The following TMED4 variants were observed in gnomAD, a reference collection of about 807,000 sequenced individuals.
TMED4 encodes the protein transmembrane emp24 domain-containing protein 4.
Under a neutral mutation model 26.5 loss-of-function variants are expected in TMED4, and 19 were observed. That is an observed-to-expected ratio of 0.72 (90% CI 0.50 to 1.05). The LOEUF (loss-of-function observed/expected upper bound fraction) is 1.05. Among genes scored for constraint, TMED4 ranks in the 50% least tolerant of loss-of-function variants. TMED4 has a pLI of 0.00. For synonymous variants in TMED4, 121 were observed against 119.8 expected (o/e 1.01, Z -0.07); for missense variants, 303 against 302.5 (o/e 1.00, Z -0.01).
At position 44,579,273 on chromosome 7, in the gene TMED4, A is replaced by C. The variant is rs1273797625; in HGVS notation, c.*206T>G. Reference sequence around the variant, plus strand: ...TAGTTCTGATTCCTCACAAGCCCTAAGACAAGATTTTGAAAGATTGGACTA... The same window carrying C: ...TAGTTCTGATTCCTCACAAGCCCTACGACAAGATTTTGAAAGATTGGACTA... On this transcript the variant is annotated 3_prime_UTR_variant, in exon 5 of 5. Transcript: ENST00000457408. The C allele has an allele frequency of 2.1e-6, 1 of 485,862 alleles. No homozygotes were observed. The highest frequency in any genetic ancestry group is 3.6e-6 in the Non-Finnish European group (1 of 275,244). The allele number at this position is 485,862 out of a possible 1,614,324, so 30.1% of individuals were successfully genotyped here. A position where few individuals can be genotyped will look rare whatever the true frequency, so the allele number is the denominator to read the frequency against.
chr7:44,580,882 AG>A lies in TMED4; in HGVS notation c.534+210del, dbSNP rs927954691. 4 of 516,482 alleles carry A rather than the reference AG, an allele frequency of 7.7e-6. No individual in the cohort carries two copies. The African/African-American group carries it at 7.8e-5, about 10-fold the overall frequency. 32.0% of individuals were successfully genotyped at this position (516,482 alleles called of 1,614,324 possible). On this transcript the variant is annotated intron_variant, in intron 4 of 4. Coordinates refer to ENST00000457408, the MANE Select transcript of TMED4 (RefSeq NM_182547.4). ...GAATCGCTTGAACCTGGGGAGGCGG[AG>A]GTTGCAGTGAGCCAAGATCATGGCA...
In TMED4 at chr7:44,581,557, C is replaced by A; in HGVS notation, c.279G>T (p.Gln93His). Residue 93 changes from glutamine to histidine, a missense_variant, in exon 3 of 5, where the codon CAG becomes CAT. Transcript: ENST00000457408. ...DPDGKVVLSR[Q>H]YGSEGRFTFT... ...ACGTGAAGCGGCCCTCCGAGCCGTA[C>A]TGCCGGGACAGCACCACCTGCAACA... The A allele has an allele frequency of 6.2e-7, 1 of 1,614,222 alleles. No individual in the cohort carries two copies. The highest frequency in any genetic ancestry group is 8.5e-7 in the Non-Finnish European group (1 of 1,180,036).
In TMED4 at chr7:44,581,230, G is replaced by A. The variant is rs1381212064; in HGVS notation, c.397C>T (p.Leu133Phe). 3.1e-6 allele frequency: 5 copies of A among 1,614,030 alleles called. No individual in the cohort carries two copies. The highest frequency in any genetic ancestry group is 1.3e-5 in the African/African-American group (1 of 74,918). ...LFAGGKLRVH[L>F]DIQVGEHANN... is the part of the protein sequence containing the mutation. Reference sequence around the variant, plus strand: ...GCATGCTCCCCAACCTGGATGTCGAGATGCACCCGCTACAAGGAAACATGG... The same window carrying A: ...GCATGCTCCCCAACCTGGATGTCGAAATGCACCCGCTACAAGGAAACATGG... Residue 133 changes from leucine (L) to phenylalanine (F), a missense_variant, in exon 4 of 5, where the codon CTC (leucine) becomes TTC (phenylalanine). Transcript: ENST00000457408.
Position 44,580,090 on chromosome 7 carries a change from TCCAC to T in TMED4, c.535-466_535-463del, listed in dbSNP as rs541469490. Reference sequence around the variant, plus strand: ...CACAAAAGGACAAATACTGAATGATTCCACTTATATGAGATAGGGTAGTCAGGAT... The same window carrying T: ...CACAAAAGGACAAATACTGAATGATTTTATATGAGATAGGGTAGTCAGGAT... On this transcript the variant is annotated intron_variant, in intron 4 of 4. Coordinates refer to ENST00000457408, the MANE Select transcript of TMED4 (RefSeq NM_182547.4). 214 of 154,374 alleles carry T rather than the reference TCCAC, an allele frequency of 1.4e-3. 2 individuals are homozygous for T. The highest frequency in any genetic ancestry group is 4.9e-3 in the African/African-American group (203 of 41,620). The allele number at this position is 154,374 out of a possible 1,614,324, so 9.6% of individuals were successfully genotyped here. A position where few individuals can be genotyped will look rare whatever the true frequency, so the allele number is the denominator to read the frequency against.
chr7:44,582,005 G>A (rs780224005), intron 1 of TMED4, 42 bp downstream of exon 1: 22 of 1,532,556 alleles, frequency 1.4e-5, no homozygotes, highest in Middle Eastern at 3.4e-4. Flanking sequence ...GCCGAGGGCT[G>A]AGCTGGGTAC....
chr7:44,581,307 C>T lies in TMED4; in HGVS notation c.388-68G>A, dbSNP rs547034487. ...TGTCTGTTCCAGGGTATGGAACCCA[C>T]TATTGTCCCTGGCTGTGGAGCAGAA... is the stretch of plus-strand genomic sequence containing the variant. On this transcript the variant is annotated intron_variant, in intron 3 of 4. Coordinates refer to ENST00000457408, the MANE Select transcript of TMED4 (RefSeq NM_182547.4). 17 of 1,601,652 alleles carry T rather than the reference C, an allele frequency of 1.1e-5. No homozygotes were observed. In the East Asian group the frequency reaches 3.8e-4, roughly 36 times the overall value.
In TMED4 at chr7:44,578,861, C is replaced by CAAAAAAAAAAAAAAAA. The variant is rs138565143; in HGVS notation, c.*602_*617dup. Reference sequence around the variant, plus strand: ...CAGCCTGGGCGACAAGAGCAAAACTCAAAAAAAAAAAAAAAAAAAAAAAAG... The same window carrying CAAAAAAAAAAAAAAAA: ...CAGCCTGGGCGACAAGAGCAAAACTCAAAAAAAAAAAAAAAAAAAAAAAAAAAAAAAAAAAAAAAAG... On this transcript the variant is annotated 3_prime_UTR_variant, in exon 5 of 5. Transcript: ENST00000457408. 1.3e-5 allele frequency: 1 copy of CAAAAAAAAAAAAAAAA among 77,506 alleles called. No homozygotes were observed. The highest frequency in any genetic ancestry group is 5.2e-5 in the African/African-American group (1 of 19,178). The allele number at this position is 77,506 out of a possible 1,614,324, so 4.8% of individuals were successfully genotyped here.
intron 4 of TMED4, 98 bp from the exon 5 acceptor site, chr7:44,579,726 C>T: frequency 7.5e-7 from 1 of 1,327,584 alleles, no homozygotes; most frequent in Non-Finnish European, 1.0e-6. Context: ...GGACCAAACT[C>T]CTTTTGGAAT....
At position 44,581,515 on chromosome 7, in the gene TMED4, G is replaced by C. The variant is rs537643590; in HGVS notation, c.321C>G (p.Pro107=). The stretch of plus-strand genomic sequence containing the variant: ...AGTGCAGACAGATTTGATGGTCACC[G>C]GGCGTGTGGGAGGTGAACGTGAAGC... ...EGRFTFTSHT[P]GDHQICLHSN... is the part of the protein sequence containing the mutation. The change falls in exon 3 of 5, where the codon CCC becomes CCG. Residue 107 remains proline, a synonymous_variant. Transcript: ENST00000457408. 13 of 1,614,090 alleles carry C rather than the reference G, an allele frequency of 8.1e-6. No individual in the cohort carries two copies. Among genetic ancestry groups the C allele is most frequent in the Non-Finnish European group, 1.1e-5 (13 of 1,180,048 alleles).
At chr7:44,580,045 A>C (rs1136430) in intron 4 of TMED4, 13,872 of 156,744 alleles carry the variant, frequency 0.089, 1,247 homozygotes, top group East Asian at 0.43. Flanking sequence ...AGAACATTAT[A>C]CTCAGTGAAA....
chr7:44,581,922 C>T, intron 1 of TMED4, 99 bp from the exon 2 acceptor site: 2 of 1,562,292 alleles, frequency 1.3e-6, no homozygotes, highest in Non-Finnish European at 1.7e-6. Flanking sequence ...GGGGGCCTGG[C>T]GTCCTCGGGG....
chr7:44,577,978 C>CT lies in TMED4; in HGVS notation c.*1500dup, dbSNP rs1802865068. On this transcript the variant is annotated 3_prime_UTR_variant, in exon 5 of 5. Coordinates refer to ENST00000457408, the MANE Select transcript of TMED4 (RefSeq NM_182547.4). The stretch of plus-strand genomic sequence containing the variant: ...GAAATAAAATGTCAAGAATGGGGAA[C>CT]TAATGGTATTAAGTTTTATATAGAA... 1 of 151,958 alleles carries CT rather than the reference C, an allele frequency of 6.6e-6. No homozygotes were observed. Among genetic ancestry groups the CT allele is most frequent in the Admixed American group, 6.6e-5 (1 of 15,256 alleles). 9.4% of individuals were successfully genotyped at this position (151,958 alleles called of 1,614,324 possible). A position where few individuals can be genotyped will look rare whatever the true frequency, so the allele number is the denominator to read the frequency against.
rs200643099 is a variant in TMED4, at chr7:44,581,795, C to G, written c.189G>C (p.Lys63Asn). ...TCGAGGGCAGGAAGACCTCCTTCTG[C>G]TTATCCCACATCTGGGTACGATAGT... The part of the protein sequence containing the change: ...IGNYRTQMWD[K>N]QKEVFLPSTP... Residue 63 changes from lysine (K) to asparagine (N), a missense_variant, in exon 2 of 5, where the codon AAG (lysine) becomes AAC (asparagine). Physicochemically the swap from Lys to Asn is moderately conservative, Grantham distance 94 (BLOSUM62 0). Coordinates refer to ENST00000457408, the MANE Select transcript of TMED4 (RefSeq NM_182547.4). 55 of 1,614,222 alleles carry G rather than the reference C, an allele frequency of 3.4e-5. No individual in the cohort carries two copies. The East Asian group carries it at 1.2e-3, about 35-fold the overall frequency.
intron 4 of TMED4, 138 bp downstream of exon 4, chr7:44,580,955 A>G: frequency 1.0e-6 from 1 of 990,832 alleles, no homozygotes; most frequent in Non-Finnish European, 1.5e-6. Flanking sequence ...TCTCAAAAAC[A>G]ACAAACAAAC....
rs1257330959 is a variant in TMED4, at chr7:44,581,559, G to T, written c.277C>A (p.Gln93Lys). The change falls in exon 3 of 5, where the codon CAG becomes AAG. Residue 93 changes from glutamine (Q) to lysine (K), a missense_variant. Gln to Lys is a moderately conservative substitution (Grantham distance 53). Transcript: ENST00000457408. ...GTGAAGCGGCCCTCCGAGCCGTACT[G>T]CCGGGACAGCACCACCTGCAACATA... Reference protein sequence around the residue: ...DPDGKVVLSRQYGSEGRFTFT... With the variant: ...DPDGKVVLSRKYGSEGRFTFT... 1 of 1,614,190 alleles carries T rather than the reference G, an allele frequency of 6.2e-7. No individual in the cohort carries two copies. Among genetic ancestry groups the T allele is most frequent in the Non-Finnish European group, 8.5e-7 (1 of 1,180,044 alleles).
Position 44,578,088 on chromosome 7 carries a change from T to C in TMED4, c.*1391A>G, listed in dbSNP as rs1232677778. On this transcript the variant is annotated 3_prime_UTR_variant, in exon 5 of 5. Transcript: ENST00000457408. Reference sequence around the variant, plus strand: ...TACTTAATTTCCTCAGATGATACTTTGCGAACATGTGGTCTATTTGGTTGA... The same window carrying C: ...TACTTAATTTCCTCAGATGATACTTCGCGAACATGTGGTCTATTTGGTTGA... 1.3e-5 allele frequency: 2 copies of C among 152,326 alleles called. No homozygotes were observed. The highest frequency in any genetic ancestry group is 3.4e-3 in the Middle Eastern group (1 of 292). 9.4% of individuals were successfully genotyped at this position (152,326 alleles called of 1,614,324 possible). A position where few individuals can be genotyped will look rare whatever the true frequency, so the allele number is the denominator to read the frequency against.
In TMED4 at chr7:44,581,160, A is replaced by T; in HGVS notation, c.467T>A (p.Leu156Gln). The change falls in exon 4 of 5, where the codon CTA becomes CAA. Residue 156 changes from leucine to glutamine, a missense_variant. Transcript: ENST00000457408. ...AAGCAACTGGCGGGCGCGGAGCTGT[A>T]GCTCCGTCAGCTTATCTTTTGCAGC... ...EIAAKDKLTELQLRARQLLDQ... is the reference protein window; with the variant it reads ...EIAAKDKLTEQQLRARQLLDQ... 3 of 1,614,108 alleles carry T rather than the reference A, an allele frequency of 1.9e-6. No homozygotes were observed. Among genetic ancestry groups the T allele is most frequent in the Non-Finnish European group, 2.5e-6 (3 of 1,180,020 alleles).
rs1802970888 is a variant in TMED4, at chr7:44,581,098, G to A, written c.529C>T (p.Gln177Ter). Residue 177 changes from glutamine to a stop codon, truncating the protein, a stop_gained, in exon 4 of 5, where the codon CAA becomes TAA. Transcript: ENST00000457408. LOFTEE classifies it high-confidence loss of function. ...ACAAGGAGATATGCACTTGCCCTTT[G>A]GTAATCCTGCTCCTTCTGAATCTGT... ...VEQIQKEQDY[Q>*]RYREERFRLT... The A allele has an allele frequency of 5.6e-6, 9 of 1,614,154 alleles. No individual in the cohort carries two copies. The highest frequency in any genetic ancestry group is 6.8e-6 in the Non-Finnish European group (8 of 1,180,032).
At position 44,578,861 on chromosome 7, in the gene TMED4, C is replaced by CAAAAAAAAAAA. The variant is rs138565143; in HGVS notation, c.*607_*617dup. 2.6e-5 allele frequency: 2 copies of CAAAAAAAAAAA among 77,526 alleles called. No individual in the cohort carries two copies. The highest frequency in any genetic ancestry group is 3.2e-4 in the East Asian group (1 of 3,118). 4.8% of individuals were successfully genotyped at this position (77,526 alleles called of 1,614,324 possible). ...CAGCCTGGGCGACAAGAGCAAAACT[C>CAAAAAAAAAAA]AAAAAAAAAAAAAAAAAAAAAAAAG... On this transcript the variant is annotated 3_prime_UTR_variant, in exon 5 of 5. Coordinates refer to ENST00000457408, the MANE Select transcript of TMED4 (RefSeq NM_182547.4).
Sources: allele counts gnomAD v4.1 joint callset, GRCh38; gene constraint gnomAD v4.1.1; transcripts MANE v1.5; gene names NCBI Gene and HGNC (gene_info 2026-07-23, HGNC 2026-07-21).